Variants in SMCHD1 observed in about 807,000 individuals in gnomAD.
SMCHD1 encodes the protein structural maintenance of chromosomes flexible hinge domain-containing protein 1.
In SMCHD1, 78 loss-of-function variants were observed where a neutral mutation model predicts 254.7. The ratio of observed to expected loss-of-function variants is 0.31; its 90% CI spans 0.26 to 0.37. The LOEUF is 0.37. Ranked by LOEUF, SMCHD1 falls within the 10% of genes least tolerant of loss-of-function variation. The pLI is 1.00. For missense variants in SMCHD1, 1,840 were observed against 2,408.1 expected (o/e 0.76, Z 4.94); for synonymous variants, 766 against 794.9 (o/e 0.96, Z 0.61).
rs2076416772 is a variant in SMCHD1, at chr18:2,804,681, A to C, written c.*2129A>C. On this transcript the variant is annotated 3_prime_UTR_variant, in exon 48 of 48. Coordinates refer to ENST00000320876, the MANE Select transcript of SMCHD1 (RefSeq NM_015295.3). ...TTTATCTAAGGATATTTCTCAGCAT[A>C]TTAAGGAATCCTTTTCTACATTTGA... The C allele has an allele frequency of 6.6e-6, 1 of 152,216 alleles. No individual in the cohort carries two copies. The highest frequency in any genetic ancestry group is 1.5e-5 in the Non-Finnish European group (1 of 68,042). The allele number at this position is 152,216 out of a possible 1,614,324, so 9.4% of individuals were successfully genotyped here.
chr18:2,774,022 C>T (rs148021919), intron 41 of SMCHD1, among the ~76,000 whole-genome samples: 1 of 152,290 alleles, frequency 6.6e-6, no homozygotes, highest in African/African-American at 2.4e-5. Context: ...TTTTTAACAT[C>T]GTGAATACCT....
chr18:2,750,476 T>A lies in SMCHD1; in HGVS notation c.4134T>A (p.Asp1378Glu). 3 of 1,609,022 alleles carry A rather than the reference T, an allele frequency of 1.9e-6. No homozygotes were observed. Among genetic ancestry groups the A allele is most frequent in the Non-Finnish European group, 2.5e-6 (3 of 1,177,162 alleles). Reference protein sequence around the residue: ...PVRLNVKYDKDASFLAGGLFT... With the variant: ...PVRLNVKYDKEASFLAGGLFT... ...GTCTCAATGTTAAATATGACAAAGA[T>A]GCATCCTTCTTAGCAGGGGGTCTTT... The change falls in exon 32 of 48, where the codon GAT (aspartate) becomes GAA (glutamate). Residue 1378 changes from aspartate (D) to glutamate (E), a missense_variant. Transcript: ENST00000320876.
chr18:2,777,284 A>G (rs940714218), intron 42 of SMCHD1, among the ~76,000 whole-genome samples: 4 of 152,166 alleles, frequency 2.6e-5, no homozygotes, highest in African/African-American at 9.7e-5. Flanking sequence ...CTCTCCACCT[A>G]TGTTGAAGGG....
At chr18:2,665,564 C>T (rs886459660) in intron 1 of SMCHD1, among the ~76,000 whole-genome samples, 2 of 152,134 alleles carry the variant, frequency 1.3e-5, no homozygotes, top group African/African-American at 2.4e-5. Context: ...TGTGATCCGA[C>T]GGCCTCAGCC....
intron 5 of SMCHD1, among the ~76,000 whole-genome samples, chr18:2,678,815 GTTTTTTGT>G (rs2073839322): frequency 3.4e-5 from 1 of 29,632 alleles, no homozygotes; most frequent in East Asian, 0.025. Context: ...TAATCTTTCC[GTTTTTTGT>G]TTTTTTTTTT....
At chr18:2,703,028 A>C (rs1017874664) in intron 12 of SMCHD1, among the ~76,000 whole-genome samples, 22 of 152,160 alleles carry the variant, frequency 1.4e-4, no homozygotes, top group African/African-American at 5.3e-4. Flanking sequence ...GGTTGGCAAA[A>C]ACACATCTTC....
intron 47 of SMCHD1, among the ~76,000 whole-genome samples, chr18:2,801,654 G>C (rs2076364698): frequency 6.6e-6 from 1 of 151,900 alleles, no homozygotes; most frequent in South Asian, 2.1e-4. Context: ...ATGTGTTTCT[G>C]TATATTTATG....
At chr18:2,771,256 GGATTAA>G (rs1303090761) in intron 39 of SMCHD1, among the ~76,000 whole-genome samples, 4 of 152,078 alleles carry the variant, frequency 2.6e-5, no homozygotes, top group Non-Finnish European at 4.4e-5. Context: ...GTATACTCGT[GGATTAA>G]GATTAAGTAA....
At chr18:2,716,596 G>A (rs892440470) in intron 17 of SMCHD1, among the ~76,000 whole-genome samples, 24 of 152,170 alleles carry the variant, frequency 1.6e-4, no homozygotes, top group Non-Finnish European at 1.5e-5. Context: ...CCCCAACAGG[G>A]CACAAGCACC....
chr18:2,769,242 G>A (rs2075931692), intron 37 of SMCHD1, among the ~76,000 whole-genome samples: 1 of 152,082 alleles, frequency 6.6e-6, no homozygotes, highest in South Asian at 2.1e-4. Context: ...GGACTTTGAT[G>A]GGTCTATTTC....
At position 2,772,602 on chromosome 18, in the gene SMCHD1, G is replaced by C. The variant is rs572068890; in HGVS notation, c.5175+230G>C. On this transcript the variant is annotated intron_variant, in intron 41 of 47. Transcript: ENST00000320876. ...AGTTGTTAACATCTATTAGTTCAAG[G>C]CTTGTTGTTTACTTAGAGATGCTTT... Among the ~76,000 whole-genome samples, 4 of 152,300 alleles carry C rather than the reference G, an allele frequency of 2.6e-5. No homozygotes were observed. In the East Asian group the frequency reaches 5.8e-4, roughly 22 times the overall value.
chr18:2,780,168 G>A (rs1256091620), intron 44 of SMCHD1, among the ~76,000 whole-genome samples: 1 of 148,752 alleles, frequency 6.7e-6, no homozygotes, highest in Non-Finnish European at 1.5e-5. Context: ...GATCCTGGGA[G>A]GTGGAGGTTG....
Position 2,666,913 on chromosome 18 carries a change from G to T in SMCHD1, c.306G>T (p.Ser102=). The stretch of plus-strand genomic sequence containing the variant: ...GAGTCACCTTATACCTGCTACAGTC[G>T]GTCAATCAGTTACTACTGACAGCTA... ...KDGVTLYLLQ[S]VNQLLLTATK... Residue 102 remains serine, a synonymous_variant, in exon 3 of 48, where the codon TCG becomes TCT. Transcript: ENST00000320876. 6.2e-7 allele frequency: 1 copy of T among 1,613,102 alleles called. No homozygotes were observed. The highest frequency in any genetic ancestry group is 1.1e-5 in the South Asian group (1 of 91,000).
Position 2,673,341 on chromosome 18 carries a change from T to C in SMCHD1, c.485T>C (p.Val162Ala), listed in dbSNP as rs748341516. The change falls in exon 4 of 48, where the codon GTT becomes GCT. Residue 162 changes from valine (V) to alanine (A), a missense_variant. Physicochemically the swap from Val to Ala is moderately conservative, Grantham distance 64. This residue lies in a region of SMCHD1 where 498 missense variants were observed against 743.5 expected (regional missense o/e 0.67). Coordinates refer to ENST00000320876, the MANE Select transcript of SMCHD1 (RefSeq NM_015295.3). The part of the protein sequence containing the change: ...SLSATSRNIG[V>A]RRIQIKLLFD... Reference sequence around the variant, plus strand: ...TCTGCTACTTCTCGTAACATTGGGGTTAGAAGAATACAGATCAAATTGGTA... The same window carrying C: ...TCTGCTACTTCTCGTAACATTGGGGCTAGAAGAATACAGATCAAATTGGTA... 4 of 1,576,580 alleles carry C rather than the reference T, an allele frequency of 2.5e-6. No individual in the cohort carries two copies. The East Asian group carries it at 9.1e-5, about 36-fold the overall frequency.
chr18:2,711,243 G>A (rs939316827), intron 17 of SMCHD1, among the ~76,000 whole-genome samples: 1 of 150,048 alleles, frequency 6.7e-6, no homozygotes, highest in Non-Finnish European at 1.5e-5. Flanking sequence ...CAGGACAACT[G>A]CCCTGAGCCA....
chr18:2,783,367 A>G (rs62077712), intron 44 of SMCHD1, among the ~76,000 whole-genome samples: 29,437 of 152,142 alleles, frequency 0.19, 3,092 homozygotes, highest in Admixed American at 0.26. Flanking sequence ...CCCTTTTTCC[A>G]TAGCCCCCCA....
chr18:2,790,027 A>G (rs1432609427), intron 45 of SMCHD1, among the ~76,000 whole-genome samples: 1 of 151,928 alleles, frequency 6.6e-6, no homozygotes. Context: ...ACTAAAAATA[A>G]AAAAAGTTAG....
At chr18:2,799,113 A>G (rs1320062964) in intron 47 of SMCHD1, among the ~76,000 whole-genome samples, 1 of 152,216 alleles carries the variant, frequency 6.6e-6, no homozygotes, top group Admixed American at 6.5e-5. Flanking sequence ...TGAGTCACAT[A>G]TATAATTTTA....
intron 17 of SMCHD1, among the ~76,000 whole-genome samples, chr18:2,709,232 G>GTGTGTATATA (rs3037640): frequency 1.3e-5 from 1 of 79,706 alleles, no homozygotes; most frequent in Non-Finnish European, 3.1e-5. Flanking sequence ...GTGTATATGT[G>GTGTGTATATA]TATATATATA....
Sources: gnomAD v4.1 joint callset for allele counts (sites outside exome capture counted in the v4.1 genomes callset) on GRCh38, gnomAD v4.1.1 for gene constraint, gnomAD v4.1.1 regional missense constraint, MANE v1.5 for transcripts, NCBI Gene and HGNC (gene_info 2026-07-23, HGNC 2026-07-21) for gene names.